KASH5: variants seen among roughly 807,000 people sequenced by gnomAD.
KASH5 encodes protein KASH5.
In KASH5, 72 loss-of-function variants were observed where a neutral mutation model predicts 84.2. That is an observed-to-expected ratio of 0.85 (90% CI 0.71 to 1.04). The LOEUF is 1.04. Ranked by LOEUF, KASH5 falls within the 50% of genes least tolerant of loss-of-function variation. The pLI is 0.00. For synonymous variants in KASH5, 260 were observed against 279.1 expected (o/e 0.93, Z 0.68); for missense variants, 650 against 701.0 (o/e 0.93, Z 0.82).
At chr19:49,397,506 G>T (rs1054936064) in intron 5 of KASH5, 145 bp from the exon 6 acceptor site, 1 of 693,336 alleles carries the variant, frequency 1.4e-6, no homozygotes, top group South Asian at 1.8e-5. Context: ...TTTACAGTGG[G>T]TATAACTGCA....
intron 2 of KASH5, among the ~76,000 whole-genome samples, chr19:49,392,973 T>A (rs2146843889): frequency 6.6e-6 from 1 of 150,428 alleles, no homozygotes; most frequent in South Asian, 2.1e-4. Flanking sequence ...GGTCTCCCCC[T>A]AACTGTGAGT....
intron 15 of KASH5, 50 bp downstream of exon 15, chr19:49,409,925 G>C: frequency 6.2e-7 from 1 of 1,600,500 alleles, no homozygotes; most frequent in Non-Finnish European, 8.5e-7. Context: ...GGGGCCAGGA[G>C]CTCCAGGTGC....
chr19:49,401,408 CA>C (rs1439504815), intron 9 of KASH5, among the ~76,000 whole-genome samples: 1 of 152,166 alleles, frequency 6.6e-6, no homozygotes, highest in Non-Finnish European at 1.5e-5. Context: ...TGAAGGATCC[CA>C]AACCCCACCC....
At chr19:49,398,803 C>T (rs1473825289) in intron 7 of KASH5, among the ~76,000 whole-genome samples, 1 of 152,166 alleles carries the variant, frequency 6.6e-6, no homozygotes. Flanking sequence ...GTCTCTTTCC[C>T]ACTTCCTCAG....
At chr19:49,405,151 C>A (rs1010741856) in intron 9 of KASH5, among the ~76,000 whole-genome samples, 2 of 152,072 alleles carry the variant, frequency 1.3e-5, no homozygotes, top group Non-Finnish European at 2.9e-5. Flanking sequence ...ATCTCTGAGA[C>A]AACCAAAATG....
intron 7 of KASH5, 115 bp from the exon 8 acceptor site, chr19:49,398,910 C>A: frequency 1.3e-6 from 1 of 784,018 alleles, no homozygotes; most frequent in Non-Finnish European, 2.1e-6. Flanking sequence ...GGGTCTCTGT[C>A]CCTGCCTACC....
intron 10 of KASH5, 136 bp from the exon 11 acceptor site, chr19:49,407,103 TA>T: frequency 3.9e-6 from 5 of 1,296,416 alleles, no homozygotes; most frequent in South Asian, 1.3e-5. Flanking sequence ...CAGGCATCCC[TA>T]AAATCCCTGA....
chr19:49,403,455 C>A (rs186168565), intron 9 of KASH5, among the ~76,000 whole-genome samples: 57 of 152,328 alleles, frequency 3.7e-4, no homozygotes, highest in African/African-American at 1.1e-3. Flanking sequence ...CCACCCCCAG[C>A]AGCTCTTACA....
chr19:49,391,047 G>T (rs1973987943), intron 2 of KASH5, 121 bp downstream of exon 2: 2 of 1,124,624 alleles, frequency 1.8e-6, no homozygotes, highest in African/African-American at 3.2e-5. Context: ...GCCTTTGCAT[G>T]GGTGCAGAGT....
chr19:49,405,697 C>T (rs1262456204), intron 9 of KASH5, among the ~76,000 whole-genome samples: 1 of 151,928 alleles, frequency 6.6e-6, no homozygotes, highest in Non-Finnish European at 1.5e-5. Flanking sequence ...TGGCTCACAC[C>T]TGTAGTCCCA....
rs879361122 is a variant in KASH5, at chr19:49,414,698, TGGCCTCCCCC to T, written c.1329-252_1329-243del. Among the ~76,000 whole-genome samples the T allele has an allele frequency of 2.6e-3, 378 of 148,052 alleles. 1 individual carries two copies. The highest frequency in any genetic ancestry group is 0.02 in the East Asian group (103 of 5,078). On this transcript the variant is annotated intron_variant, in intron 16 of 19. Transcript: ENST00000447857. The surrounding 1 kb of genome is among the most constrained non-coding windows in gnomAD (Gnocchi z 4.5). ...ACCCCCCAGGCCCGTCCGTGCTGCCTGGCCTCCCCCAGGCCCGTCCGTGCTGCCTGGCCTC... is the reference window on the plus strand; with the variant it reads ...ACCCCCCAGGCCCGTCCGTGCTGCCTAGGCCCGTCCGTGCTGCCTGGCCTC...
intron 2 of KASH5, chr19:49,391,594 C>T (rs1488473371): frequency 6.6e-6 from 1 of 151,968 alleles, no homozygotes; most frequent in East Asian, 1.9e-4. Context: ...AAAATGTATC[C>T]AGATAATCTG....
chr19:49,398,854 C>G (rs1273443340), intron 7 of KASH5, among the ~76,000 whole-genome samples, 171 bp from the exon 8 acceptor site: 3 of 152,162 alleles, frequency 2.0e-5, no homozygotes, highest in South Asian at 2.1e-4. Context: ...CACACCAGGT[C>G]TCCTTCTCCT....
rs1974957357 is a variant in KASH5, at chr19:49,417,666, G to C, written c.*156G>C. 1.1e-6 allele frequency: 1 copy of C among 924,116 alleles called. No homozygotes were observed. Among genetic ancestry groups the C allele is most frequent in the Admixed American group, 3.6e-5 (1 of 27,750 alleles). 57.2% of individuals were successfully genotyped at this position (924,116 alleles called of 1,614,324 possible). ...CTGTATTTTTATGTGAAGTCTCCTAGTTTTTTAATGCTGACATTTCTTAAC... is the reference window on the plus strand; with the variant it reads ...CTGTATTTTTATGTGAAGTCTCCTACTTTTTTAATGCTGACATTTCTTAAC... On this transcript the variant is annotated 3_prime_UTR_variant, in exon 20 of 20. Transcript: ENST00000447857. The surrounding 1 kb of genome is among the most constrained non-coding windows in gnomAD (Gnocchi z 5.2).
At chr19:49,393,110 C>T (rs773339342) in intron 2 of KASH5, among the ~76,000 whole-genome samples, 3 of 152,176 alleles carry the variant, frequency 2.0e-5, no homozygotes, top group Non-Finnish European at 4.4e-5. Context: ...ATATGTTAAA[C>T]AGGGTGACCT....
At chr19:49,407,177 G>A (rs1402597741) in intron 10 of KASH5, 63 bp from the exon 11 acceptor site, 5 of 1,578,884 alleles carry the variant, frequency 3.2e-6, no homozygotes, top group Non-Finnish European at 1.7e-6. Context: ...GGGGCCAGGT[G>A]GAGGGCAGGA....
chr19:49,392,930 G>A (rs368840499), intron 2 of KASH5, among the ~76,000 whole-genome samples: 3 of 151,050 alleles, frequency 2.0e-5, no homozygotes, highest in African/African-American at 7.3e-5. Context: ...AAAAAACAGT[G>A]AGAGGAGGAA....
At chr19:49,394,365 T>TCTCC in intron 2 of KASH5, 111 bp from the exon 3 acceptor site, 1 of 776,266 alleles carries the variant, frequency 1.3e-6, no homozygotes. Context: ...CTCTCAGTGC[T>TCTCC]CTGAGTGAAT....
At position 49,394,596 on chromosome 19, in the gene KASH5, G is replaced by A. The variant is rs1431729715; in HGVS notation, c.148+16G>A. ...CAGAGGACAGGTGGTGGGGGCATGA[G>A]GGGTGCTGGGGACCAGTGCGGGCAG... On this transcript the variant is annotated intron_variant, in intron 3 of 19. Transcript: ENST00000447857. The A allele has an allele frequency of 6.3e-7, 1 of 1,596,438 alleles. No individual in the cohort carries two copies. The highest frequency in any genetic ancestry group is 8.6e-7 in the Non-Finnish European group (1 of 1,164,434).
Sources: gnomAD v4.1 joint callset for allele counts (sites outside exome capture counted in the v4.1 genomes callset) on GRCh38, gnomAD v4.1.1 for gene constraint, Gnocchi (gnomAD v3.1) non-coding constraint, MANE v1.5 for transcripts, NCBI Gene and HGNC (gene_info 2026-07-23, HGNC 2026-07-21) for gene names.